Variants in FOCAD observed in about 807,000 individuals in gnomAD.
The protein encoded by FOCAD is focadhesin, also known as KIAA1797.
FOCAD carries 198 observed loss-of-function variants against 225.6 expected under a neutral mutation model. That is an observed-to-expected ratio of 0.88 (90% CI 0.78 to 0.99). The LOEUF is 0.99. Ranked by LOEUF, FOCAD falls within the 50% of genes least tolerant of loss-of-function variation. FOCAD has a pLI of 0.00. For synonymous variants in FOCAD, 897 were observed against 755.0 expected (o/e 1.19, Z -3.08); for missense variants, 2,713 against 2,123.6 (o/e 1.28, Z -5.46).
chr9:20,708,286 G>A (rs924788826), intron 1 of FOCAD, among the ~76,000 whole-genome samples: 11 of 152,092 alleles, frequency 7.2e-5, no homozygotes, highest in Non-Finnish European at 1.6e-4. Flanking sequence ...CTTAATTTGT[G>A]GGAGGAAGAA....
chr9:20,662,333 C>T (rs1029101829), intron 2 of FOCAD, among the ~76,000 whole-genome samples: 1 of 152,196 alleles, frequency 6.6e-6, no homozygotes, highest in African/African-American at 2.4e-5. Context: ...AAGCCTCCAG[C>T]TGTCAGCTCC....
chr9:20,770,438 C>T (rs1010585597), intron 8 of FOCAD, among the ~76,000 whole-genome samples, 200 bp downstream of exon 8: 2 of 152,158 alleles, frequency 1.3e-5, no homozygotes. Context: ...GGAGCCAGCA[C>T]TTCACATGGC....
chr9:20,757,130 T>C (rs1033196652), intron 5 of FOCAD, among the ~76,000 whole-genome samples: 5 of 152,142 alleles, frequency 3.3e-5, no homozygotes, highest in African/African-American at 9.7e-5. Context: ...GGTTTCTCCA[T>C]GTTGGTCAGG....
chr9:20,877,546 A>G (rs1338975533), intron 19 of FOCAD, among the ~76,000 whole-genome samples: 1 of 152,208 alleles, frequency 6.6e-6, no homozygotes. Flanking sequence ...TTATGAGCAG[A>G]TGAACTGTAT....
intron 15 of FOCAD, among the ~76,000 whole-genome samples, chr9:20,860,660 G>A (rs1490779685): frequency 2.0e-5 from 3 of 152,024 alleles, no homozygotes; most frequent in African/African-American, 7.2e-5. Flanking sequence ...TGGGGCATAT[G>A]CCTCCACGCC....
In FOCAD at chr9:20,990,186, C is replaced by T. The variant is rs1306352046; in HGVS notation, c.5068C>T (p.Pro1690Ser). ...AVVAWADHTA[P>S]LLLGLSASWL... is the part of the protein sequence containing the mutation. ...GGTTGCATGGGCTGACCACACTGCC[C>T]CTCTCCTCCTCGGCCTCAGTGCCAG... The change falls in exon 42 of 44, where the codon CCT becomes TCT. Residue 1690 changes from proline to serine, a missense_variant. Coordinates refer to ENST00000338382, the MANE Select transcript of FOCAD (RefSeq NM_001375567.1). The T allele has an allele frequency of 9.9e-6, 16 of 1,614,082 alleles. No individual in the cohort carries two copies. In the African/African-American group the frequency reaches 2.0e-4, roughly 20 times the overall value.
At chr9:20,975,520 T>C (rs1313195016) in intron 35 of FOCAD, among the ~76,000 whole-genome samples, 5 of 152,124 alleles carry the variant, frequency 3.3e-5, no homozygotes, top group Non-Finnish European at 5.9e-5. Context: ...ACATAGTCCA[T>C]AGAATGGAGT....
intron 5 of FOCAD, among the ~76,000 whole-genome samples, chr9:20,740,678 CA>C (rs1319869454): frequency 6.6e-6 from 1 of 152,026 alleles, no homozygotes; most frequent in African/African-American, 2.4e-5. Flanking sequence ...ATATTTAAAG[CA>C]GGGGGGGATT....
intron 15 of FOCAD, among the ~76,000 whole-genome samples, chr9:20,835,199 C>A (rs1825878751): frequency 6.6e-6 from 1 of 151,954 alleles, no homozygotes; most frequent in African/African-American, 2.4e-5. Context: ...TAAAAGCTAC[C>A]TTTTTTTCAT....
chr9:20,742,651 A>G (rs1470857618), intron 5 of FOCAD, among the ~76,000 whole-genome samples: 1 of 152,210 alleles, frequency 6.6e-6, no homozygotes, highest in Admixed American at 6.5e-5. Context: ...GTTTTCTATA[A>G]TGCAGAGAAT....
chr9:20,987,836 T>C (rs983866570), intron 40 of FOCAD, among the ~76,000 whole-genome samples: 1 of 152,148 alleles, frequency 6.6e-6, no homozygotes, highest in Non-Finnish European at 1.5e-5. Flanking sequence ...AAAAACAAAA[T>C]TAAAAGGGAA....
At chr9:20,773,426 C>G (rs1286182879) in intron 8 of FOCAD, among the ~76,000 whole-genome samples, 2 of 152,166 alleles carry the variant, frequency 1.3e-5, no homozygotes, top group South Asian at 2.1e-4. Context: ...CAAGTATTCT[C>G]TATTTTAAAG....
intron 37 of FOCAD, among the ~76,000 whole-genome samples, chr9:20,979,340 T>C (rs2132611435): frequency 6.6e-6 from 1 of 152,294 alleles, no homozygotes; most frequent in Non-Finnish European, 1.5e-5. Flanking sequence ...TGTTTCTGTT[T>C]TTTTGTTGTT....
intron 21 of FOCAD, among the ~76,000 whole-genome samples, chr9:20,896,468 A>C (rs1003842852): frequency 2.0e-5 from 3 of 151,890 alleles, no homozygotes; most frequent in African/African-American, 7.2e-5. Flanking sequence ...GGTAGAGTTC[A>C]CCAGTGAACA....
At chr9:20,664,243 A>G (rs974773222) in intron 2 of FOCAD, among the ~76,000 whole-genome samples, 8 of 150,876 alleles carry the variant, frequency 5.3e-5, no homozygotes, top group African/African-American at 2.0e-4. Context: ...TATTAAATTT[A>G]TATCTATTTG....
At chr9:20,671,397 T>A (rs1822059558) in intron 2 of FOCAD, among the ~76,000 whole-genome samples, 1 of 152,188 alleles carries the variant, frequency 6.6e-6, no homozygotes, top group African/African-American at 2.4e-5. Context: ...CTCATACCAG[T>A]CTTCTAAAAT....
intron 20 of FOCAD, among the ~76,000 whole-genome samples, chr9:20,883,051 C>G (rs1830809965): frequency 6.6e-6 from 1 of 152,070 alleles, no homozygotes; most frequent in Non-Finnish European, 1.5e-5. Flanking sequence ...ACCCAGTCTG[C>G]CTAACAGAGG....
intron 5 of FOCAD, among the ~76,000 whole-genome samples, chr9:20,750,727 C>T (rs537325457): frequency 6.6e-6 from 1 of 152,230 alleles, no homozygotes; most frequent in Non-Finnish European, 1.5e-5. Context: ...ATAACACTTC[C>T]TTCTGAAATA....
At chr9:20,758,916 A>G (rs1282705624) in intron 6 of FOCAD, among the ~76,000 whole-genome samples, 1 of 152,222 alleles carries the variant, frequency 6.6e-6, no homozygotes, top group Non-Finnish European at 1.5e-5. Flanking sequence ...AACTTCAGCA[A>G]AGTCTCAGGA....
Sources: gnomAD v4.1 joint callset for allele counts (sites outside exome capture counted in the v4.1 genomes callset) on GRCh38, gnomAD v4.1.1 for gene constraint, MANE v1.5 for transcripts, NCBI Gene and HGNC (gene_info 2026-07-23, HGNC 2026-07-21) for gene names.